The following FRS2 variants were observed in gnomAD, a reference collection of about 807,000 sequenced individuals.
The protein encoded by FRS2 is FGFR signalling adaptor.
In FRS2, 8 loss-of-function variants were observed where a neutral mutation model predicts 43.9. The observed-to-expected ratio is 0.18, with a 90% CI of 0.11 to 0.33. The LOEUF (loss-of-function observed/expected upper bound fraction) is 0.33, where lower values mean the gene tolerates loss of function less well. Ranked by LOEUF, FRS2 falls within the 10% of genes least tolerant of loss-of-function variation. The probability of loss-of-function intolerance (pLI) is 1.00; values close to 1 mark genes in which losing one functional copy is unlikely to be tolerated. For synonymous variants in FRS2, 219 were observed against 220.3 expected, an observed-to-expected ratio of 0.99 and a Z score of 0.05; for missense variants, 534 against 627.6, an observed-to-expected ratio of 0.85 and a Z score of 1.59.
rs192886927 is a variant in FRS2 at position 69,523,197 on chromosome 12, T to C, written c.-260-7668T>C. On this transcript the variant is annotated intron_variant, in intron 1 of 8. Transcript: ENST00000549921. ...GTGGGGTGTTAAAGCCTCATACTTATTATTGCATGGGAGTCTAAGTCTCTT... is the reference window on the plus strand; with the variant it reads ...GTGGGGTGTTAAAGCCTCATACTTACTATTGCATGGGAGTCTAAGTCTCTT... Among the ~76,000 whole-genome samples the C allele has an allele frequency of 2.4e-3, 360 of 152,354 alleles. 3 individuals are homozygous for C. Among genetic ancestry groups the C allele is most frequent in the Middle Eastern group, 6.8e-3 (2 of 294 alleles).
At chr12:69,504,998 T>A (rs1873794238) in intron 1 of FRS2, among the ~76,000 whole-genome samples, 1 of 152,210 alleles carries the variant, frequency 6.6e-6, no homozygotes, top group Admixed American at 6.5e-5. Context: ...CATGCTGGGC[T>A]AATTTGTATT....
chr12:69,539,122 T>C (rs959264669), intron 3 of FRS2, among the ~76,000 whole-genome samples: 4 of 152,238 alleles, frequency 2.6e-5, no homozygotes, highest in Non-Finnish European at 5.9e-5. Flanking sequence ...TTGCCCAGGC[T>C]GGAGTGCAGT....
chr12:69,522,395 T>C (rs902633244), intron 1 of FRS2, among the ~76,000 whole-genome samples: 5 of 152,248 alleles, frequency 3.3e-5, no homozygotes, highest in African/African-American at 1.2e-4. Flanking sequence ...TGCATAGAGG[T>C]GTTCGTAGTA....
chr12:69,561,856 A>T (rs1413044865), intron 3 of FRS2, among the ~76,000 whole-genome samples: 2 of 152,168 alleles, frequency 1.3e-5, no homozygotes, highest in African/African-American at 4.8e-5. Context: ...GAGGTGGTTT[A>T]ATCTAACCCC....
intron 1 of FRS2, among the ~76,000 whole-genome samples, chr12:69,478,719 T>G (rs958870555): frequency 1.7e-5 from 2 of 119,930 alleles, no homozygotes; most frequent in African/African-American, 3.3e-5. Context: ...AAGACATACA[T>G]CATTATGTGT....
At chr12:69,511,560 ATTAC>A (rs1478283015) in intron 1 of FRS2, among the ~76,000 whole-genome samples, 1 of 152,198 alleles carries the variant, frequency 6.6e-6, no homozygotes, top group Non-Finnish European at 1.5e-5. Context: ...GAAACGTGAT[ATTAC>A]TTAATTAAAA....
Position 69,574,064 on chromosome 12 carries a change from G to A in FRS2, c.636G>A (p.Val212=), listed in dbSNP as rs1238529067. Reference sequence around the variant, plus strand: ...AAGAGCGGAAAAACCGCACAAGTGTGCATGTTCCATTGGAGGCGAGGGTTT... The same window carrying A: ...AAGAGCGGAAAAACCGCACAAGTGTACATGTTCCATTGGAGGCGAGGGTTT... ...VQEERKNRTS[V]HVPLEARVSN... The change falls in exon 9 of 9, where the codon GTG becomes GTA. Residue 212 remains valine (V), a synonymous_variant. Transcript: ENST00000549921. The A allele has an allele frequency of 6.2e-7, 1 of 1,614,198 alleles. No homozygotes were observed.
intron 1 of FRS2, among the ~76,000 whole-genome samples, chr12:69,514,764 C>T (rs992439223): frequency 6.6e-6 from 1 of 151,362 alleles, no homozygotes; most frequent in African/African-American, 2.4e-5. Flanking sequence ...ACCTGGGAGG[C>T]GGAGGTTGCA....
chr12:69,485,926 G>A (rs1427999815), intron 1 of FRS2, among the ~76,000 whole-genome samples: 1 of 152,100 alleles, frequency 6.6e-6, no homozygotes, highest in Admixed American at 6.5e-5. Context: ...TGGTTACAAG[G>A]AATCATAAAA....
Position 69,474,816 on chromosome 12 carries a change from G to C in FRS2, c.-261+4286G>C, listed in dbSNP as rs116821071. Among the ~76,000 whole-genome samples, 243 of 152,250 alleles carry C rather than the reference G, an allele frequency of 1.6e-3. 1 individual carries two copies. The highest frequency in any genetic ancestry group is 0.01 in the Middle Eastern group (3 of 294). On this transcript the variant is annotated intron_variant, in intron 1 of 8. Coordinates refer to ENST00000549921, the MANE Select transcript of FRS2 (RefSeq NM_001278356.2). ...TTCACTTATTTATGTGTATGACATC[G>C]ATTTTGGTTTCAAAATCAAGAACCT...
rs569366125 is a variant in FRS2, at chr12:69,503,824, T to A, written c.-260-27041T>A. 8.5e-5 allele frequency among the ~76,000 whole-genome samples: 13 copies of A among 152,320 alleles called. No homozygotes were observed. The South Asian group carries it at 2.7e-3, about 32-fold the overall frequency. ...TACATCACCCCTGGGGTGCAGAGTT[T>A]AGCCATTTTATAGAAATGAGAACAA... On this transcript the variant is annotated intron_variant, in intron 1 of 8. Coordinates refer to ENST00000549921, the MANE Select transcript of FRS2 (RefSeq NM_001278356.2).
intron 1 of FRS2, among the ~76,000 whole-genome samples, chr12:69,502,645 CTG>C (rs1873562631): frequency 6.6e-6 from 1 of 152,156 alleles, no homozygotes; most frequent in Admixed American, 6.5e-5. Context: ...GACATAATCT[CTG>C]TACGGATGGA....
At chr12:69,516,887 G>C (rs1372588573) in intron 1 of FRS2, among the ~76,000 whole-genome samples, 1 of 152,124 alleles carries the variant, frequency 6.6e-6, no homozygotes, top group African/African-American at 2.4e-5. Flanking sequence ...AATCAGTTTT[G>C]AAATGAGCAG....
intron 1 of FRS2, among the ~76,000 whole-genome samples, chr12:69,524,232 G>A (rs1024293306): frequency 6.6e-6 from 1 of 152,126 alleles, no homozygotes; most frequent in East Asian, 1.9e-4. Context: ...TATGGTGGGG[G>A]ATAGGGGACG....
chr12:69,527,325 GT>G (rs200031040), intron 1 of FRS2, among the ~76,000 whole-genome samples: 3,882 of 76,820 alleles, frequency 0.051, 236 homozygotes, highest in East Asian at 0.44. Context: ...ATGGAGCAAA[GT>G]TTTTTTTTTT....
At chr12:69,516,848 T>C (rs1481340084) in intron 1 of FRS2, among the ~76,000 whole-genome samples, 1 of 152,230 alleles carries the variant, frequency 6.6e-6, no homozygotes, top group Non-Finnish European at 1.5e-5. Flanking sequence ...ACTTTTAAGA[T>C]TTATGCTTCT....
At chr12:69,489,227 A>G (rs1592926156) in intron 1 of FRS2, among the ~76,000 whole-genome samples, 1 of 152,250 alleles carries the variant, frequency 6.6e-6, no homozygotes, top group African/African-American at 2.4e-5. Flanking sequence ...TACCCAGTCA[A>G]TAGGTAATCT....
At chr12:69,470,874 G>A (rs1870214653) in intron 1 of FRS2, among the ~76,000 whole-genome samples, 2 of 152,102 alleles carry the variant, frequency 1.3e-5, no homozygotes, top group Admixed American at 1.3e-4. Flanking sequence ...TTCTGTGTCC[G>A]GCCTGGGGTA....
At chr12:69,562,629 T>C (rs887684965) in intron 4 of FRS2, among the ~76,000 whole-genome samples, 1 of 152,180 alleles carries the variant, frequency 6.6e-6, no homozygotes, top group Non-Finnish European at 1.5e-5. Flanking sequence ...GTTATAGCAT[T>C]GCTCTTCCCA....
Sources: gnomAD v4.1 joint callset for allele counts (sites outside exome capture counted in the v4.1 genomes callset) on GRCh38, gnomAD v4.1.1 for gene constraint, MANE v1.5 for transcripts, NCBI Gene and HGNC (gene_info 2026-07-23, HGNC 2026-07-21) for gene names.